NDUFA12: variants seen among roughly 807,000 people sequenced by gnomAD.
NDUFA12 encodes the protein NADH dehydrogenase [ubiquinone] 1 alpha subcomplex subunit 12.
In NDUFA12, 17 loss-of-function variants were observed where a neutral mutation model predicts 20.3. That is an observed-to-expected ratio of 0.84 (90% CI 0.57 to 1.26). The LOEUF is 1.26. NDUFA12 is among the 50% of genes most tolerant of loss of function. The probability of loss-of-function intolerance (pLI) is 0.00; values close to 1 mark genes in which losing one functional copy is unlikely to be tolerated. For synonymous variants in NDUFA12, 72 were observed against 63.6 expected, an observed-to-expected ratio of 1.13 and a Z score of -0.63; for missense variants, 191 against 183.7, an observed-to-expected ratio of 1.04 and a Z score of -0.23.
chr12:94,982,538 G>C (rs983261349), intron 3 of NDUFA12, among the ~76,000 whole-genome samples: 2 of 151,988 alleles, frequency 1.3e-5, no homozygotes, highest in Non-Finnish European at 1.5e-5. Flanking sequence ...GGCCTCCCAA[G>C]GTGCTGTGTG....
chr12:95,002,868 T>A, intron 1 of NDUFA12, 47 bp from the exon 2 acceptor site: 1 of 1,507,922 alleles, frequency 6.6e-7, no homozygotes, highest in Non-Finnish European at 9.2e-7. Flanking sequence ...GATTCTTAGT[T>A]CAAAACATAA....
At chr12:94,996,667 A>C (rs147654736) in intron 2 of NDUFA12, among the ~76,000 whole-genome samples, 7,441 of 151,718 alleles carry the variant, frequency 0.049, 310 homozygotes, top group Non-Finnish European at 0.061. Flanking sequence ...AAAATACAAA[A>C]AATTAGCTGG....
chr12:94,979,975 T>C (rs1400709165), intron 3 of NDUFA12, among the ~76,000 whole-genome samples: 1 of 152,218 alleles, frequency 6.6e-6, no homozygotes, highest in Non-Finnish European at 1.5e-5. Context: ...ACAGATTCTA[T>C]GTAGATTCAA....
At chr12:95,003,473 G>A (rs1024863072) in intron 1 of NDUFA12, 122 bp downstream of exon 1, 2 of 1,038,668 alleles carry the variant, frequency 1.9e-6, no homozygotes, top group Admixed American at 1.8e-5. Flanking sequence ...CAGAGATTGG[G>A]GCGGTTGTCC....
intron 3 of NDUFA12, among the ~76,000 whole-genome samples, chr12:94,975,513 G>C (rs1182133302): frequency 6.6e-6 from 1 of 152,104 alleles, no homozygotes; most frequent in Non-Finnish European, 1.5e-5. Context: ...AATATAAATT[G>C]GTATAGCCCT....
intron 3 of NDUFA12, among the ~76,000 whole-genome samples, chr12:94,986,875 T>C (rs1874461329): frequency 7.2e-6 from 1 of 139,652 alleles, no homozygotes; most frequent in Non-Finnish European, 1.6e-5. Context: ...GGGTTCCAAC[T>C]AGTCAAATTG....
At chr12:94,980,548 G>A (rs781216188) in intron 3 of NDUFA12, among the ~76,000 whole-genome samples, 1 of 150,004 alleles carries the variant, frequency 6.7e-6, no homozygotes, top group Non-Finnish European at 1.5e-5. Context: ...TTTTTCCCTG[G>A]GCACAGAAAA....
intron 3 of NDUFA12, among the ~76,000 whole-genome samples, chr12:94,975,154 A>C (rs1268139070): frequency 6.6e-6 from 1 of 152,230 alleles, no homozygotes; most frequent in Non-Finnish European, 1.5e-5. Flanking sequence ...TACCCAAAAA[A>C]TTAAAATTGT....
At chr12:94,975,224 A>AAC (rs1457714713) in intron 3 of NDUFA12, among the ~76,000 whole-genome samples, 1 of 152,212 alleles carries the variant, frequency 6.6e-6, no homozygotes, top group Non-Finnish European at 1.5e-5. Flanking sequence ...GACTAAAAGA[A>AAC]ACAGGGGAAA....
At chr12:94,984,129 C>T (rs1240854968) in intron 3 of NDUFA12, among the ~76,000 whole-genome samples, 1 of 151,936 alleles carries the variant, frequency 6.6e-6, no homozygotes, top group East Asian at 1.9e-4. Context: ...AAGAAGAAAC[C>T]AGCTATAAAT....
chr12:95,003,068 T>C (rs1050201156), intron 1 of NDUFA12, among the ~76,000 whole-genome samples: 1 of 152,322 alleles, frequency 6.6e-6, no homozygotes. Flanking sequence ...CAGGAGGCAC[T>C]GGAATTAGCA....
At chr12:94,975,862 A>G (rs991833471) in intron 3 of NDUFA12, among the ~76,000 whole-genome samples, 1 of 152,194 alleles carries the variant, frequency 6.6e-6, no homozygotes, top group African/African-American at 2.4e-5. Flanking sequence ...CAGCCTGGGC[A>G]ACATGAGACC....
Position 94,989,687 on chromosome 12 carries a change from G to A in NDUFA12, c.257+4483C>T, listed in dbSNP as rs138394071. ...CTCACTTGCCCTTAGGCACCTGCTG[G>A]AGTGATCTTCTACAGCTCTTAGCTT... On this transcript the variant is annotated intron_variant, in intron 3 of 3. Transcript: ENST00000327772. 5.8e-3 allele frequency among the ~76,000 whole-genome samples: 878 copies of A among 152,336 alleles called. 2 individuals carry two copies. The highest frequency in any genetic ancestry group is 9.4e-3 in the Non-Finnish European group (642 of 68,034).
chr12:94,998,421 G>A (rs1373916325), intron 2 of NDUFA12, among the ~76,000 whole-genome samples: 5 of 152,144 alleles, frequency 3.3e-5, no homozygotes, highest in South Asian at 2.1e-4. Context: ...GAACTGGAAC[G>A]AGACAAGGAT....
chr12:94,987,649 A>G (rs970402826), intron 3 of NDUFA12, among the ~76,000 whole-genome samples: 2 of 151,998 alleles, frequency 1.3e-5, no homozygotes, highest in East Asian at 3.9e-4. Flanking sequence ...TAAAATACAA[A>G]AATTCGCCAG....
chr12:94,973,078 T>TTTC (rs1346710950), intron 3 of NDUFA12, among the ~76,000 whole-genome samples: 1 of 152,112 alleles, frequency 6.6e-6, no homozygotes, highest in Non-Finnish European at 1.5e-5. Flanking sequence ...GAGGAGGATG[T>TTTC]TTCAGTGGAA....
chr12:94,985,337 T>C (rs1874391511), intron 3 of NDUFA12, among the ~76,000 whole-genome samples: 1 of 151,000 alleles, frequency 6.6e-6, no homozygotes, highest in Admixed American at 6.6e-5. Context: ...AAAAAAGTGG[T>C]TGGTAGGCCG....
At chr12:94,986,106 TAAA>T (rs1874428482) in intron 3 of NDUFA12, among the ~76,000 whole-genome samples, 1 of 150,796 alleles carries the variant, frequency 6.6e-6, no homozygotes, top group Non-Finnish European at 1.5e-5. Flanking sequence ...AATAAATAAA[TAAA>T]TAAATAAGCT....
At chr12:94,978,521 A>G (rs953772832) in intron 3 of NDUFA12, among the ~76,000 whole-genome samples, 4 of 152,210 alleles carry the variant, frequency 2.6e-5, no homozygotes, top group African/African-American at 9.6e-5. Flanking sequence ...TAATCTGCCT[A>G]TGCACTGGGG....
Sources: gnomAD v4.1 joint callset for allele counts (sites outside exome capture counted in the v4.1 genomes callset) on GRCh38, gnomAD v4.1.1 for gene constraint, MANE v1.5 for transcripts, NCBI Gene and HGNC (gene_info 2026-07-23, HGNC 2026-07-21) for gene names.